Variants in SYNPR observed in about 807,000 individuals in gnomAD.
SYNPR encodes the protein synaptoporin.
Under a neutral mutation model 32.9 loss-of-function variants are expected in SYNPR, and 23 were observed. That is an observed-to-expected ratio of 0.70 (90% CI 0.50 to 0.99). The LOEUF is 0.99. Ranked by LOEUF, SYNPR falls within the 50% of genes least tolerant of loss-of-function variation. SYNPR has a pLI of 0.00. For synonymous variants in SYNPR, 146 were observed against 135.9 expected (o/e 1.07, Z -0.52); for missense variants, 318 against 349.3 (o/e 0.91, Z 0.71).
intron 2 of SYNPR, among the ~76,000 whole-genome samples, chr3:63,326,172 G>A (rs1160752906): frequency 6.6e-6 from 1 of 151,954 alleles, no homozygotes; most frequent in Non-Finnish European, 1.5e-5. Context: ...CTTGGTAGCA[G>A]GAATGATGAC....
intron 2 of SYNPR, among the ~76,000 whole-genome samples, chr3:63,342,399 C>T (rs1316540555): frequency 2.6e-5 from 4 of 152,014 alleles, no homozygotes; most frequent in Admixed American, 6.6e-5. Flanking sequence ...TTCTGTAGTC[C>T]GTTGATGTGA....
At chr3:63,379,956 C>T (rs1018093944) in intron 2 of SYNPR, among the ~76,000 whole-genome samples, 8 of 151,870 alleles carry the variant, frequency 5.3e-5, no homozygotes, top group East Asian at 1.9e-4. Context: ...TTTGTCCTTG[C>T]GATAGTTTGC....
At position 63,230,546 on chromosome 3, in the gene SYNPR, G is replaced by A. The variant is rs140414996; in HGVS notation, n.66+2166G>A. Reference sequence around the variant, plus strand: ...GACTAAATGAGGTTATCCACATAGCGTTTGCTGAATACATTTCTTTCTGAG... The same window carrying A: ...GACTAAATGAGGTTATCCACATAGCATTTGCTGAATACATTTCTTTCTGAG... On this transcript the variant is annotated intron_variant and non_coding_transcript_variant, in intron 1 of 4. Transcript: ENST00000478456. 4.6e-5 allele frequency among the ~76,000 whole-genome samples: 7 copies of A among 152,268 alleles called. No homozygotes were observed. The East Asian group carries it at 5.8e-4, about 13-fold the overall frequency.
chr3:63,232,158 A>G (rs1158551615), intron 1 of SYNPR, among the ~76,000 whole-genome samples: 2 of 149,072 alleles, frequency 1.3e-5, no homozygotes, highest in African/African-American at 2.5e-5. Flanking sequence ...TAAAGTTCTC[A>G]AGGGCTGTCT....
chr3:63,493,808 T>C (rs1701303012), intron 3 of SYNPR, among the ~76,000 whole-genome samples: 1 of 105,366 alleles, frequency 9.5e-6, no homozygotes, highest in African/African-American at 3.8e-5. Flanking sequence ...AGTGCAAGAC[T>C]CTGTCTCAAA....
At position 63,313,282 on chromosome 3, in the gene SYNPR, A is replaced by G. The variant is rs543614197; in HGVS notation, c.84+34540A>G. ...ATCTGGTCACATGAGTAAGTTCTGTAGTGGTGATTTTTGAGATTTTGGTGC... is the reference window on the plus strand; with the variant it reads ...ATCTGGTCACATGAGTAAGTTCTGTGGTGGTGATTTTTGAGATTTTGGTGC... On this transcript the variant is annotated intron_variant, in intron 2 of 5. Transcript: ENST00000478300. Among the ~76,000 whole-genome samples the G allele has an allele frequency of 9.9e-5, 15 of 151,792 alleles. No homozygotes were observed. The South Asian group carries it at 2.9e-3, about 30-fold the overall frequency.
At chr3:63,268,387 T>A (rs889857772) in intron 3 of SYNPR, among the ~76,000 whole-genome samples, 8 of 152,172 alleles carry the variant, frequency 5.3e-5, no homozygotes, top group African/African-American at 1.7e-4. Context: ...TTAGGAGTAT[T>A]GACCCCCCAC....
At chr3:63,256,014 G>C (rs796974789) in intron 2 of SYNPR, among the ~76,000 whole-genome samples, 1 of 152,204 alleles carries the variant, frequency 6.6e-6, no homozygotes, top group African/African-American at 2.4e-5. Context: ...CAGCAGCAAG[G>C]CTGGGGGAGG....
intron 2 of SYNPR, among the ~76,000 whole-genome samples, chr3:63,255,849 G>A (rs1271999048): frequency 6.6e-6 from 1 of 152,202 alleles, no homozygotes; most frequent in Non-Finnish European, 1.5e-5. Flanking sequence ...ATGGCACCTG[G>A]AAAACCGGGT....
chr3:63,414,310 C>T (rs1300455194), intron 2 of SYNPR, among the ~76,000 whole-genome samples: 1 of 151,888 alleles, frequency 6.6e-6, no homozygotes, highest in East Asian at 1.9e-4. Flanking sequence ...TTTGAAAAAA[C>T]CTCACACACA....
chr3:63,483,265 A>G (rs1214376285), intron 3 of SYNPR, among the ~76,000 whole-genome samples: 3 of 152,224 alleles, frequency 2.0e-5, no homozygotes, highest in Non-Finnish European at 4.4e-5. Context: ...TCAGTGAATG[A>G]TTTACATATG....
intron 2 of SYNPR, among the ~76,000 whole-genome samples, chr3:63,329,048 T>C (rs2087196448): frequency 6.6e-6 from 1 of 152,164 alleles, no homozygotes; most frequent in Non-Finnish European, 1.5e-5. Context: ...TCCTAGTTCT[T>C]AGGTGGTATA....
chr3:63,504,515 G>C (rs1045048209), intron 3 of SYNPR, among the ~76,000 whole-genome samples: 2 of 152,038 alleles, frequency 1.3e-5, no homozygotes, highest in African/African-American at 4.8e-5. Context: ...TTATCTACAA[G>C]TCAGTCATTG....
intron 3 of SYNPR, among the ~76,000 whole-genome samples, chr3:63,549,413 T>C (rs1009526641): frequency 6.6e-6 from 1 of 152,192 alleles, no homozygotes; most frequent in African/African-American, 2.4e-5. Context: ...TACTTGCCAG[T>C]GTAGGCTCCT....
intron 2 of SYNPR, among the ~76,000 whole-genome samples, chr3:63,302,841 A>G (rs2086871198): frequency 6.6e-6 from 1 of 152,074 alleles, no homozygotes; most frequent in Admixed American, 6.6e-5. Flanking sequence ...TGTTCAATAA[A>G]TCAGTAGGGT....
At chr3:63,525,511 C>T (rs112261373) in intron 3 of SYNPR, among the ~76,000 whole-genome samples, 23 of 152,276 alleles carry the variant, frequency 1.5e-4, no homozygotes, top group African/African-American at 5.5e-4. Flanking sequence ...ATTTCCCTTC[C>T]CTGCTTGTTC....
At chr3:63,313,088 A>G (rs1007402511) in intron 2 of SYNPR, among the ~76,000 whole-genome samples, 3 of 152,010 alleles carry the variant, frequency 2.0e-5, no homozygotes, top group Non-Finnish European at 4.4e-5. Context: ...TCAATCACTC[A>G]TCTAATAATA....
chr3:63,281,420 A>G (rs2106918707), intron 2 of SYNPR, among the ~76,000 whole-genome samples: 1 of 152,340 alleles, frequency 6.6e-6, no homozygotes, highest in African/African-American at 2.4e-5. Context: ...GGGGGTTGCT[A>G]TAACAAAACA....
rs143145272 is a variant in SYNPR, at chr3:63,527,491, C to A, written c.210-29052C>A. Among the ~76,000 whole-genome samples, 492 of 152,252 alleles carry A rather than the reference C, an allele frequency of 3.2e-3. 2 individuals carry two copies. Among genetic ancestry groups the A allele is most frequent in the African/African-American group, 0.011 (467 of 41,548 alleles). ...AATGGGATGCCTGTCCTTGAGAAAA[C>A]CCCTGAAAAATGGTGACATTGCTTT... On this transcript the variant is annotated intron_variant, in intron 3 of 5. Transcript: ENST00000478300.
Sources: allele counts gnomAD v4.1 joint callset (sites outside exome capture counted in the v4.1 genomes callset), GRCh38; gene constraint gnomAD v4.1.1; transcripts MANE v1.5; gene names NCBI Gene and HGNC (gene_info 2026-07-23, HGNC 2026-07-21).